STAU2: variants seen among roughly 807,000 people sequenced by gnomAD.
STAU2 encodes double-stranded RNA-binding protein Staufen homolog 2.
A neutral mutation model predicts 65.9 loss-of-function variants in STAU2; 20 were observed. The observed-to-expected ratio is 0.30, with a 90% CI of 0.21 to 0.44. STAU2 has a LOEUF of 0.44. Among genes scored for constraint, STAU2 ranks in the 20% least tolerant of loss-of-function variants. The probability of loss-of-function intolerance (pLI) is 1.00; values close to 1 mark genes in which losing one functional copy is unlikely to be tolerated. For missense variants in STAU2, 558 were observed against 683.9 expected (o/e 0.82, Z 2.05); for synonymous variants, 232 against 233.9 (o/e 0.99, Z 0.07).
At position 73,736,618 on chromosome 8, in the gene STAU2, G is replaced by A. The variant is rs555844096; in HGVS notation, c.-18+1666C>T. 2.0e-5 allele frequency among the ~76,000 whole-genome samples: 3 copies of A among 152,222 alleles called. No individual in the cohort carries two copies. In the South Asian group the frequency reaches 6.2e-4, roughly 32 times the overall value. On this transcript the variant is annotated intron_variant, in intron 3 of 14. Coordinates refer to ENST00000524300, the MANE Select transcript of STAU2 (RefSeq NM_001164380.2). ...GCCAGAACAACCTTACCCAATCTAG[G>A]AACTGAAACGGTCCAGTAAAACTGA...
chr8:73,459,420 T>C (rs948970289), intron 13 of STAU2, among the ~76,000 whole-genome samples: 1 of 152,218 alleles, frequency 6.6e-6, no homozygotes, highest in Non-Finnish European at 1.5e-5. Context: ...ATTTTCCATA[T>C]AGAAATCAGA....
At chr8:73,662,527 CTT>C (rs1386093521) in intron 6 of STAU2, among the ~76,000 whole-genome samples, 1 of 152,104 alleles carries the variant, frequency 6.6e-6, no homozygotes, top group Non-Finnish European at 1.5e-5. Flanking sequence ...TTTACTTTAA[CTT>C]TTACATATAT....
At chr8:73,425,047 A>G (rs1811629102) in intron 13 of STAU2, among the ~76,000 whole-genome samples, 1 of 152,064 alleles carries the variant, frequency 6.6e-6, no homozygotes, top group South Asian at 2.1e-4. Flanking sequence ...GTGGGTTTTG[A>G]TGGGAGGTAG....
chr8:73,674,703 T>TA (rs762046960), intron 5 of STAU2, among the ~76,000 whole-genome samples: 27,943 of 149,016 alleles, frequency 0.19, 2,841 homozygotes, highest in East Asian at 0.36. Flanking sequence ...TAAAATTATT[T>TA]TATATATATA....
intron 13 of STAU2, among the ~76,000 whole-genome samples, chr8:73,464,204 T>C (rs1029518186): frequency 1.3e-5 from 2 of 152,114 alleles, no homozygotes; most frequent in Admixed American, 1.3e-4. Flanking sequence ...GGCTGGCAGA[T>C]AGATCAAGCA....
At chr8:73,639,090 C>T (rs879460963) in intron 6 of STAU2, among the ~76,000 whole-genome samples, 9 of 151,830 alleles carry the variant, frequency 5.9e-5, no homozygotes, top group Admixed American at 1.3e-4. Flanking sequence ...GAAAAACAAA[C>T]CCACAAATTC....
At chr8:73,612,540 G>A (rs73686855) in intron 9 of STAU2, among the ~76,000 whole-genome samples, 23,474 of 152,010 alleles carry the variant, frequency 0.15, 1,840 homozygotes, top group African/African-American at 0.17. Flanking sequence ...GGATCTATTT[G>A]TATTTATTTT....
At chr8:73,620,554 ATAT>A (rs1470723828) in intron 6 of STAU2, among the ~76,000 whole-genome samples, 4 of 152,164 alleles carry the variant, frequency 2.6e-5, no homozygotes, top group African/African-American at 9.7e-5. Context: ...TCTGGCCAAA[ATAT>A]TAATTGCACA....
At chr8:73,652,550 T>G (rs1485525486) in intron 6 of STAU2, 1 of 149,316 alleles carries the variant, frequency 6.7e-6, no homozygotes, top group Admixed American at 6.6e-5. Context: ...CTACTAAAAA[T>G]ACAAAAAAAA....
In STAU2 at chr8:73,422,685, C is replaced by G. The variant is rs1234372000; in HGVS notation, c.1548G>C (p.Leu516Phe). 6.7e-7 allele frequency: 1 copy of G among 1,503,600 alleles called. No homozygotes were observed. Among genetic ancestry groups the G allele is most frequent in the Non-Finnish European group, 8.8e-7 (1 of 1,133,946 alleles). The allele number at this position is 1,503,600 out of a possible 1,614,324, so 93.1% of individuals were successfully genotyped here. Residue 516 changes from leucine (L) to phenylalanine (F), a missense_variant, in exon 14 of 15, where the codon TTG (leucine) becomes TTC (phenylalanine). By Grantham distance (22) the Leu-to-Phe change is conservative (BLOSUM62 0). Coordinates refer to ENST00000524300, the MANE Select transcript of STAU2 (RefSeq NM_001164380.2). ...IQGFQAALSA[L>F]KQFSEQGLDP... ...CCAGTCCTTGTTCAGAAAATTGTTTCAAGGCACTTAAGGCTGCCTAAAAAT... is the reference window on the plus strand; with the variant it reads ...CCAGTCCTTGTTCAGAAAATTGTTTGAAGGCACTTAAGGCTGCCTAAAAAT...
intron 5 of STAU2, among the ~76,000 whole-genome samples, chr8:73,686,475 G>C (rs777674629): frequency 6.6e-6 from 1 of 151,854 alleles, no homozygotes; most frequent in East Asian, 1.9e-4. Flanking sequence ...GCTTGAACCC[G>C]GGAGGCAGAG....
chr8:73,586,941 AATT>A (rs1810418848), intron 11 of STAU2, among the ~76,000 whole-genome samples: 1 of 152,158 alleles, frequency 6.6e-6, no homozygotes, highest in African/African-American at 2.4e-5. Context: ...AAAGTAAAGA[AATT>A]ATTAAAGAAA....
At position 73,478,926 on chromosome 8, in the gene STAU2, C is replaced by T. The variant is rs181241519; in HGVS notation, c.1531-56224G>A. On this transcript the variant is annotated intron_variant, in intron 13 of 14. Transcript: ENST00000524300. ...TTTTAAATTATTAATCAAATATCTA[C>T]GACTTTGGGTAGCTGAATCAGTTGC... Among the ~76,000 whole-genome samples, 18 of 152,152 alleles carry T rather than the reference C, an allele frequency of 1.2e-4. No individual in the cohort carries two copies. In the South Asian group the frequency reaches 1.2e-3, roughly 11 times the overall value.
intron 6 of STAU2, among the ~76,000 whole-genome samples, chr8:73,631,658 TA>T (rs1437062363): frequency 6.6e-6 from 1 of 152,156 alleles, no homozygotes; most frequent in Non-Finnish European, 1.5e-5. Flanking sequence ...AGGAGTCTAG[TA>T]ACTCATTTAT....
At chr8:73,579,995 T>G (rs1809864848) in intron 12 of STAU2, among the ~76,000 whole-genome samples, 2 of 152,198 alleles carry the variant, frequency 1.3e-5, no homozygotes, top group African/African-American at 4.8e-5. Context: ...TACATTAATG[T>G]TTTTTGTCTA....
intron 6 of STAU2, among the ~76,000 whole-genome samples, chr8:73,631,118 G>C (rs1392430526): frequency 6.6e-6 from 1 of 152,106 alleles, no homozygotes; most frequent in Non-Finnish European, 1.5e-5. Flanking sequence ...CACTTTAGGA[G>C]GCCAAGGCAG....
intron 6 of STAU2, among the ~76,000 whole-genome samples, chr8:73,661,657 C>T (rs1816842791): frequency 2.0e-5 from 3 of 152,272 alleles, no homozygotes; most frequent in South Asian, 4.1e-4. Flanking sequence ...ATTAGTTTCG[C>T]CTATTCTAGA....
chr8:73,439,758 C>A (rs1817995391), intron 13 of STAU2: 1 of 152,298 alleles, frequency 6.6e-6, no homozygotes. Context: ...TTCACAGTAA[C>A]CACAACAGGT....
chr8:73,511,943 G>A (rs1288953530), intron 13 of STAU2, among the ~76,000 whole-genome samples: 1 of 152,130 alleles, frequency 6.6e-6, no homozygotes, highest in Non-Finnish European at 1.5e-5. Flanking sequence ...ATGGTATGAG[G>A]TAAGGCTCCA....
Sources: gnomAD v4.1 joint callset for allele counts (sites outside exome capture counted in the v4.1 genomes callset) on GRCh38, gnomAD v4.1.1 for gene constraint, MANE v1.5 for transcripts, NCBI Gene and HGNC (gene_info 2026-07-23, HGNC 2026-07-21) for gene names.